Variants in ARHGAP10 observed in about 807,000 individuals in gnomAD.
The protein encoded by ARHGAP10 is rho GTPase-activating protein 10.
A neutral mutation model predicts 108.6 loss-of-function variants in ARHGAP10; 87 were observed. The observed-to-expected ratio is 0.80, with a 90% CI of 0.67 to 0.96. The LOEUF (loss-of-function observed/expected upper bound fraction) is 0.96, where lower values mean the gene tolerates loss of function less well. Ranked by LOEUF, ARHGAP10 falls within the 40% of genes least tolerant of loss-of-function variation. The probability of loss-of-function intolerance (pLI) is 0.00; values close to 1 mark genes in which losing one functional copy is unlikely to be tolerated. For missense variants in ARHGAP10, 939 were observed against 954.5 expected (o/e 0.98, Z 0.21); for synonymous variants, 347 against 341.1 (o/e 1.02, Z -0.19).
intron 22 of ARHGAP10, among the ~76,000 whole-genome samples, chr4:148,069,321 A>G (rs1397068828): frequency 1.3e-5 from 2 of 152,080 alleles, no homozygotes; most frequent in African/African-American, 4.8e-5. Flanking sequence ...CTTGGATGTT[A>G]CAGGATCCCC....
chr4:147,890,754 G>C (rs1353690539), intron 10 of ARHGAP10, among the ~76,000 whole-genome samples: 1 of 152,150 alleles, frequency 6.6e-6, no homozygotes, highest in Admixed American at 6.5e-5. Flanking sequence ...TTGAACCCGG[G>C]AGACGGAGGT....
chr4:147,949,865 T>C (rs1738529637), intron 15 of ARHGAP10, among the ~76,000 whole-genome samples: 1 of 152,154 alleles, frequency 6.6e-6, no homozygotes, highest in Non-Finnish European at 1.5e-5. Context: ...TTCCGTATGG[T>C]TCTTTTCTTT....
chr4:148,064,744 T>C (rs542927288), intron 22 of ARHGAP10, among the ~76,000 whole-genome samples: 1 of 152,282 alleles, frequency 6.6e-6, no homozygotes, highest in South Asian at 2.1e-4. Context: ...CATCTCATCT[T>C]GTGGGTCTTC....
intron 18 of ARHGAP10, among the ~76,000 whole-genome samples, chr4:147,996,904 C>T (rs1740498715): frequency 6.6e-6 from 1 of 152,164 alleles, no homozygotes; most frequent in Non-Finnish European, 1.5e-5. Flanking sequence ...GGAGGGAGGC[C>T]TCAGGAGAAG....
At chr4:147,895,206 G>T (rs564501496) in intron 10 of ARHGAP10, among the ~76,000 whole-genome samples, 106 of 151,704 alleles carry the variant, frequency 7.0e-4, no homozygotes, top group Non-Finnish European at 1.3e-3. Context: ...TTATGTTTCT[G>T]CATGATAATT....
chr4:147,738,291 G>C (rs7687208), intron 1 of ARHGAP10, among the ~76,000 whole-genome samples: 151,995 of 152,236 alleles, frequency 1, 75,878 homozygotes, highest in East Asian at 1. Flanking sequence ...GTGGCTCACG[G>C]CTATAATCCC....
At chr4:147,773,057 G>A (rs1279224173) in intron 1 of ARHGAP10, among the ~76,000 whole-genome samples, 1 of 152,122 alleles carries the variant, frequency 6.6e-6, no homozygotes, top group Non-Finnish European at 1.5e-5. Context: ...GAGTATTTGG[G>A]TAAATGTCTT....
intron 1 of ARHGAP10, among the ~76,000 whole-genome samples, chr4:147,781,839 C>T (rs546344274): frequency 3.9e-5 from 6 of 152,146 alleles, no homozygotes; most frequent in Non-Finnish European, 5.9e-5. Context: ...TACATCTTTA[C>T]GCGTCAGTAT....
At chr4:147,815,611 C>G (rs970455372) in intron 1 of ARHGAP10, among the ~76,000 whole-genome samples, 2 of 152,132 alleles carry the variant, frequency 1.3e-5, no homozygotes, top group African/African-American at 4.8e-5. Context: ...AATCCCAGCA[C>G]TTTGGAGGGC....
chr4:147,831,791 T>A (rs1732961477), intron 3 of ARHGAP10, among the ~76,000 whole-genome samples: 1 of 152,204 alleles, frequency 6.6e-6, no homozygotes, highest in Non-Finnish European at 1.5e-5. Flanking sequence ...CTCAGAATCC[T>A]ATAGAGATCA....
At chr4:147,823,064 C>A in intron 3 of ARHGAP10, 107 bp downstream of exon 3, 1 of 1,141,472 alleles carries the variant, frequency 8.8e-7, no homozygotes, top group Non-Finnish European at 1.3e-6. Context: ...TCCCTGGGTA[C>A]AGTAGTGCAT....
chr4:148,012,509 G>A, intron 18 of ARHGAP10, among the ~76,000 whole-genome samples: 1 of 152,166 alleles, frequency 6.6e-6, no homozygotes, highest in Non-Finnish European at 1.5e-5. Context: ...GAGTGAGAGG[G>A]GGAACAGTGT....
At chr4:147,817,204 C>T (rs751359536) in intron 1 of ARHGAP10, among the ~76,000 whole-genome samples, 118 of 152,112 alleles carry the variant, frequency 7.8e-4, no homozygotes, top group Non-Finnish European at 1.5e-3. Flanking sequence ...AAAGCATCCC[C>T]ATTAGTGCTT....
intron 18 of ARHGAP10, among the ~76,000 whole-genome samples, chr4:148,017,795 G>T (rs1198470458): frequency 1.3e-5 from 2 of 152,026 alleles, no homozygotes; most frequent in Non-Finnish European, 2.9e-5. Context: ...GCAGGTTTAA[G>T]TTGTGTGCTA....
intron 13 of ARHGAP10, among the ~76,000 whole-genome samples, chr4:147,929,345 A>C (rs1173525453): frequency 6.6e-6 from 1 of 152,194 alleles, no homozygotes; most frequent in East Asian, 1.9e-4. Flanking sequence ...CTTTGATGGA[A>C]TAGAGAGAAT....
At chr4:147,960,158 C>G (rs1738939551) in intron 16 of ARHGAP10, among the ~76,000 whole-genome samples, 2 of 151,786 alleles carry the variant, frequency 1.3e-5, no homozygotes. Flanking sequence ...AGATTAAGAA[C>G]TGGATTATAA....
chr4:147,867,935 T>A (rs1300107297), intron 7 of ARHGAP10, among the ~76,000 whole-genome samples: 1 of 151,320 alleles, frequency 6.6e-6, no homozygotes, highest in Non-Finnish European at 1.5e-5. Flanking sequence ...ACTTTTTTTT[T>A]TTTTTATGTA....
chr4:148,035,775 G>A (rs1454427712), intron 19 of ARHGAP10, among the ~76,000 whole-genome samples: 1 of 152,186 alleles, frequency 6.6e-6, no homozygotes, highest in African/African-American at 2.4e-5. Flanking sequence ...TTAATGGGCA[G>A]TTGGCAGGGT....
At chr4:148,027,025 C>G (rs1478691750) in intron 19 of ARHGAP10, among the ~76,000 whole-genome samples, 2 of 152,170 alleles carry the variant, frequency 1.3e-5, no homozygotes, top group Non-Finnish European at 2.9e-5. Flanking sequence ...GTAATTCCCC[C>G]AAATACAAGG....
Sources: allele counts gnomAD v4.1 joint callset (sites outside exome capture counted in the v4.1 genomes callset), GRCh38; gene constraint gnomAD v4.1.1; transcripts MANE v1.5; gene names NCBI Gene and HGNC (gene_info 2026-07-23, HGNC 2026-07-21).